SGCD: variants seen among roughly 807,000 people sequenced by gnomAD.
SGCD encodes the protein sarcoglycan delta.
Under a neutral mutation model 36.6 loss-of-function variants are expected in SGCD, and 18 were observed. The observed-to-expected ratio is 0.49, with a 90% CI of 0.34 to 0.73. The LOEUF (loss-of-function observed/expected upper bound fraction) is 0.73. Ranked by LOEUF, SGCD falls within the 30% of genes least tolerant of loss-of-function variation. SGCD has a pLI of 0.01. For missense variants in SGCD, 387 were observed against 346.7 expected (o/e 1.12, Z -0.92); for synonymous variants, 133 against 130.6 (o/e 1.02, Z -0.12).
At chr5:156,673,825 C>G (rs1753401936) in intron 7 of SGCD, among the ~76,000 whole-genome samples, 2 of 152,184 alleles carry the variant, frequency 1.3e-5, no homozygotes, top group Admixed American at 6.5e-5. Context: ...AGATGACATT[C>G]TTCAGATAGA....
chr5:156,238,158 T>C (rs1455960470), intron 3 of SGCD, among the ~76,000 whole-genome samples: 4 of 152,130 alleles, frequency 2.6e-5, no homozygotes, highest in Admixed American at 2.6e-4. Context: ...TCCCAGGCTC[T>C]TCTCAAATTC....
At position 156,404,582 on chromosome 5, in the gene SGCD, T is replaced by C. The variant is rs546394877; in HGVS notation, c.192+59905T>C. ...TACCTTTTAAATCTCAAATTCCTCC[T>C]CACTCCTCATGTCATACAGAGCACC... is the stretch of plus-strand genomic sequence containing the variant. On this transcript the variant is annotated intron_variant, in intron 3 of 8. Coordinates refer to ENST00000337851, the MANE Select transcript of SGCD (RefSeq NM_000337.6). Among the ~76,000 whole-genome samples the C allele has an allele frequency of 2.4e-4, 36 of 152,278 alleles. No homozygotes were observed. The South Asian group carries it at 6.8e-3, about 29-fold the overall frequency.
intron 1 of SGCD, among the ~76,000 whole-genome samples, chr5:155,960,215 T>C (rs1359533108): frequency 1.3e-5 from 2 of 152,064 alleles, no homozygotes; most frequent in Non-Finnish European, 2.9e-5. Context: ...TCTTGCTCTG[T>C]GATAACTGGC....
intron 7 of SGCD, among the ~76,000 whole-genome samples, chr5:156,674,289 T>C (rs1753421410): frequency 6.6e-6 from 1 of 152,218 alleles, no homozygotes; most frequent in African/African-American, 2.4e-5. Context: ...TGAAGGATTC[T>C]CTTCCCCGTT....
chr5:155,876,705 A>G (rs1383005360), intron 1 of SGCD, among the ~76,000 whole-genome samples: 2 of 152,084 alleles, frequency 1.3e-5, no homozygotes, highest in African/African-American at 2.4e-5. Flanking sequence ...TTGTCTATGT[A>G]GGTTTACTTA....
chr5:156,736,464 T>C (rs1756370623), intron 7 of SGCD, among the ~76,000 whole-genome samples: 1 of 152,216 alleles, frequency 6.6e-6, no homozygotes, highest in African/African-American at 2.4e-5. Context: ...GTATAACTTT[T>C]GAAGCTGAAC....
At chr5:156,280,780 AG>A (rs1222039860) in intron 3 of SGCD, among the ~76,000 whole-genome samples, 1 of 152,204 alleles carries the variant, frequency 6.6e-6, no homozygotes, top group African/African-American at 2.4e-5. Context: ...ATAAGAATTA[AG>A]AATAGAATTC....
intron 3 of SGCD, among the ~76,000 whole-genome samples, chr5:156,274,993 C>T (rs899799128): frequency 1.3e-5 from 2 of 152,148 alleles, no homozygotes; most frequent in Non-Finnish European, 2.9e-5. Flanking sequence ...TCAGTGGACA[C>T]AGGGACCCAG....
intron 3 of SGCD, among the ~76,000 whole-genome samples, chr5:156,371,322 C>T (rs1770375804): frequency 6.6e-6 from 1 of 152,046 alleles, no homozygotes; most frequent in South Asian, 2.1e-4. Flanking sequence ...ACAAATTGAG[C>T]AAATCTTTAA....
the SGCD span, among the ~76,000 whole-genome samples, chr5:155,844,258 C>A: frequency 6.6e-6 from 1 of 152,056 alleles, no homozygotes; most frequent in Non-Finnish European, 1.5e-5. Context: ...TTTCTCTAGT[C>A]CTAAAATTTT....
intron 7 of SGCD, among the ~76,000 whole-genome samples, chr5:156,653,096 A>T (rs1763523659): frequency 6.6e-6 from 1 of 152,072 alleles, no homozygotes; most frequent in African/African-American, 2.4e-5. Flanking sequence ...TATTCGGGTG[A>T]TGCTGGCTTC....
chr5:155,840,964 T>C, the SGCD span, among the ~76,000 whole-genome samples: 1 of 127,966 alleles, frequency 7.8e-6, no homozygotes, highest in Non-Finnish European at 1.5e-5. Context: ...TGAGTCAAGA[T>C]CGCACCACTA....
intron 3 of SGCD, among the ~76,000 whole-genome samples, chr5:156,469,792 C>T (rs960121029): frequency 2.6e-5 from 4 of 152,180 alleles, no homozygotes; most frequent in South Asian, 4.1e-4. Context: ...AATGAAAGTA[C>T]TATTGTTCTC....
chr5:156,025,811 G>A (rs1189277168), intron 1 of SGCD, among the ~76,000 whole-genome samples: 6 of 152,192 alleles, frequency 3.9e-5, no homozygotes, highest in Non-Finnish European at 7.3e-5. Flanking sequence ...GCAAAACACT[G>A]TTGGAATAGA....
At chr5:156,307,268 G>T (rs978115661) in intron 3 of SGCD, among the ~76,000 whole-genome samples, 10 of 152,034 alleles carry the variant, frequency 6.6e-5, no homozygotes, top group Admixed American at 6.5e-4. Context: ...GGCTAGTCTT[G>T]AACTTGGGCT....
At chr5:156,362,634 G>T (rs961805639) in intron 3 of SGCD, among the ~76,000 whole-genome samples, 1 of 152,136 alleles carries the variant, frequency 6.6e-6, no homozygotes, top group Non-Finnish European at 1.5e-5. Context: ...GACAGAGAGA[G>T]ACTCCATCTC....
Position 156,755,384 on chromosome 5 carries a change from G to A in SGCD, c.576-2197G>A, listed in dbSNP as rs544230135. On this transcript the variant is annotated intron_variant, in intron 7 of 8. Coordinates refer to ENST00000337851, the MANE Select transcript of SGCD (RefSeq NM_000337.6). ...ATCGACATTAGTGGAAACAGAAGCAGTTAGAAAACTTAGGATAAACTGTGT... is the reference window on the plus strand; with the variant it reads ...ATCGACATTAGTGGAAACAGAAGCAATTAGAAAACTTAGGATAAACTGTGT... Among the ~76,000 whole-genome samples, 3 of 152,292 alleles carry A rather than the reference G, an allele frequency of 2.0e-5. No individual in the cohort carries two copies. The South Asian group carries it at 6.2e-4, about 32-fold the overall frequency.
chr5:156,729,427 C>T (rs532421798), intron 7 of SGCD, among the ~76,000 whole-genome samples: 21 of 152,286 alleles, frequency 1.4e-4, no homozygotes, highest in Non-Finnish European at 2.6e-4. Context: ...GCCTCAGAGG[C>T]AGTGAGACTA....
At chr5:156,581,347 G>A (rs567434561) in intron 4 of SGCD, among the ~76,000 whole-genome samples, 11 of 152,276 alleles carry the variant, frequency 7.2e-5, no homozygotes, top group African/African-American at 1.9e-4. Context: ...CTACTGGGAG[G>A]TGTCTCCCAG....
Sources: gnomAD v4.1 joint callset for allele counts (sites outside exome capture counted in the v4.1 genomes callset) on GRCh38, gnomAD v4.1.1 for gene constraint, MANE v1.5 for transcripts, NCBI Gene and HGNC (gene_info 2026-07-23, HGNC 2026-07-21) for gene names.